Variants in IL19 observed in about 807,000 individuals in gnomAD.
The protein encoded by IL19 is interleukin 19, also known as interleukin-19.
Under a neutral mutation model 19.5 loss-of-function variants are expected in IL19, and 15 were observed. That is an observed-to-expected ratio of 0.77 (90% CI 0.52 to 1.19). The LOEUF (loss-of-function observed/expected upper bound fraction) is 1.19, where lower values mean the gene tolerates loss of function less well. Ranked by LOEUF, IL19 falls within the 50% of genes most tolerant of loss-of-function variation. IL19 has a pLI of 0.00. For synonymous variants in IL19, 78 were observed against 78.3 expected, an observed-to-expected ratio of 1.00 and a Z score of 0.02; for missense variants, 199 against 213.1, an observed-to-expected ratio of 0.93 and a Z score of 0.41.
In IL19 at chr1:206,772,525, T is replaced by C. The variant is rs1674884284; in HGVS notation, c.-149+1447T>C. On this transcript the variant is annotated intron_variant, in intron 1 of 6. Coordinates refer to ENST00000659997, the MANE Select transcript of IL19 (RefSeq NM_153758.5). ...TTCACCTCTCTGTCCCCCTTTTATA[T>C]TGTAAGCTCAGGGAGGCCTCTTCAT... The C allele has an allele frequency of 4.8e-6, 6 of 1,261,388 alleles. No homozygotes were observed. The East Asian group carries it at 9.4e-5, about 20-fold the overall frequency. 78.1% of individuals were successfully genotyped at this position (1,261,388 alleles called of 1,614,324 possible).
At chr1:206,831,737 T>C (rs1044535702) in intron 2 of IL19, among the ~76,000 whole-genome samples, 1 of 152,166 alleles carries the variant, frequency 6.6e-6, no homozygotes, top group Non-Finnish European at 1.5e-5. Context: ...GGCACTGAGA[T>C]TAAGTGGCTT....
intron 1 of IL19, among the ~76,000 whole-genome samples, chr1:206,794,414 C>T (rs1675473380): frequency 6.6e-6 from 1 of 152,126 alleles, no homozygotes; most frequent in Non-Finnish European, 1.5e-5. Flanking sequence ...GCCCTGCCTC[C>T]CACACATTCA....
intron 5 of IL19, chr1:206,840,533 A>T (rs1330824654): frequency 4.7e-6 from 1 of 214,312 alleles, no homozygotes; most frequent in African/African-American, 2.3e-5. Context: ...GTGGCAAGTG[A>T]CTTCACCTCT....
chr1:206,819,368 G>A (rs1017532013), intron 2 of IL19, among the ~76,000 whole-genome samples: 2 of 151,846 alleles, frequency 1.3e-5, no homozygotes, highest in African/African-American at 4.8e-5. Flanking sequence ...GGCAGATCAC[G>A]AGGTCAGGAG....
intron 2 of IL19, among the ~76,000 whole-genome samples, chr1:206,809,798 A>T (rs914668314): frequency 3.3e-5 from 5 of 152,196 alleles, no homozygotes; most frequent in Non-Finnish European, 5.9e-5. Flanking sequence ...CCATTAAATG[A>T]CTTGCAAGAT....
intron 2 of IL19, among the ~76,000 whole-genome samples, chr1:206,821,206 T>A (rs1281360558): frequency 6.6e-6 from 1 of 152,176 alleles, no homozygotes; most frequent in East Asian, 1.9e-4. Context: ...GTTGAATCAA[T>A]GAGTGATATG....
chr1:206,816,906 T>G (rs1676171777), intron 2 of IL19, among the ~76,000 whole-genome samples: 1 of 152,196 alleles, frequency 6.6e-6, no homozygotes, highest in Admixed American at 6.5e-5. Flanking sequence ...ACTAAATTTT[T>G]GGGCTTATAA....
intron 1 of IL19, 106 bp from the exon 2 acceptor site, chr1:206,798,755 G>A (rs1224605572): frequency 3.3e-6 from 2 of 603,752 alleles, no homozygotes; most frequent in Admixed American, 6.2e-5. Flanking sequence ...TTGAATTTTT[G>A]TAAAGAGGTT....
At chr1:206,791,495 G>A (rs375562593) in intron 1 of IL19, among the ~76,000 whole-genome samples, 280 of 152,232 alleles carry the variant, frequency 1.8e-3, no homozygotes, top group African/African-American at 6.4e-3. Context: ...TAGAGATGGG[G>A]TTTCACCATG....
chr1:206,825,636 G>C (rs1676420025), intron 2 of IL19, among the ~76,000 whole-genome samples: 1 of 152,160 alleles, frequency 6.6e-6, no homozygotes, highest in Non-Finnish European at 1.5e-5. Flanking sequence ...ATTTTTCTCT[G>C]GAAGGGCTTC....
chr1:206,840,860 C>T (rs1189336953), intron 5 of IL19, 144 bp from the exon 6 acceptor site: 2 of 679,998 alleles, frequency 2.9e-6, no homozygotes, highest in African/African-American at 1.8e-5. Flanking sequence ...TCTATTCTTC[C>T]GTGGCTGCTC....
chr1:206,827,917 C>T (rs2102479406), intron 2 of IL19, among the ~76,000 whole-genome samples: 1 of 152,234 alleles, frequency 6.6e-6, no homozygotes, highest in Non-Finnish European at 1.5e-5. Context: ...TCTTCCTTAT[C>T]CAAAATGATG....
chr1:206,841,768 T>C (rs1205764328), intron 6 of IL19, among the ~76,000 whole-genome samples: 1 of 152,242 alleles, frequency 6.6e-6, no homozygotes, highest in Admixed American at 6.5e-5. Flanking sequence ...GTTCTTACTA[T>C]AAGCCAGGTA....
chr1:206,774,072 T>C (rs1674931839), intron 1 of IL19, among the ~76,000 whole-genome samples: 1 of 152,194 alleles, frequency 6.6e-6, no homozygotes, highest in Non-Finnish European at 1.5e-5. Flanking sequence ...GGTTCTGAGC[T>C]TGCTGCACTA....
At chr1:206,790,199 A>G (rs1675363229) in intron 1 of IL19, among the ~76,000 whole-genome samples, 2 of 152,144 alleles carry the variant, frequency 1.3e-5, no homozygotes, top group Non-Finnish European at 2.9e-5. Flanking sequence ...ACCGGCATCT[A>G]TTGTTTCTTG....
chr1:206,785,051 C>A (rs17351229), intron 1 of IL19, among the ~76,000 whole-genome samples: 1 of 152,166 alleles, frequency 6.6e-6, no homozygotes, highest in Non-Finnish European at 1.5e-5. Context: ...GTATTAAAGT[C>A]CCCCAATGCC....
At chr1:206,839,113 G>A (rs1184778459) in intron 4 of IL19, among the ~76,000 whole-genome samples, 2 of 152,200 alleles carry the variant, frequency 1.3e-5, no homozygotes, top group Admixed American at 6.5e-5. Flanking sequence ...CAAACTTCTA[G>A]AAGGAAACTG....
chr1:206,772,067 C>T (rs903660939), intron 1 of IL19, among the ~76,000 whole-genome samples: 2 of 152,176 alleles, frequency 1.3e-5, no homozygotes, highest in Admixed American at 6.5e-5. Flanking sequence ...GGCAGGTTTC[C>T]TGCACATTTA....
chr1:206,834,140 A>C (rs1162468075), intron 2 of IL19: 2 of 985,492 alleles, frequency 2.0e-6, no homozygotes, highest in Admixed American at 1.2e-4. Flanking sequence ...TTTTCCTAGA[A>C]GCTGCATGTC....
Sources: allele counts gnomAD v4.1 joint callset (sites outside exome capture counted in the v4.1 genomes callset), GRCh38; gene constraint gnomAD v4.1.1; transcripts MANE v1.5; gene names NCBI Gene and HGNC (gene_info 2026-07-23, HGNC 2026-07-21).